Variants in RASGEF1B observed in about 807,000 individuals in gnomAD.
RASGEF1B encodes RasGEF domain family member 1B.
A neutral mutation model predicts 65.7 loss-of-function variants in RASGEF1B; 30 were observed. The observed-to-expected ratio is 0.46, with a 90% CI of 0.34 to 0.62. RASGEF1B has a LOEUF of 0.62. RASGEF1B is among the 20% of genes least tolerant of loss of function. The pLI is 0.01. For synonymous variants in RASGEF1B, 175 were observed against 194.8 expected, an observed-to-expected ratio of 0.90 and a Z score of 0.85; for missense variants, 495 against 580.1, an observed-to-expected ratio of 0.85 and a Z score of 1.51.
At chr4:81,431,736 G>A (rs1721434147) in intron 13 of RASGEF1B, among the ~76,000 whole-genome samples, 1 of 152,132 alleles carries the variant, frequency 6.6e-6, no homozygotes, top group African/African-American at 2.4e-5. Flanking sequence ...GCCTATTAAA[G>A]TATCTCAAAT....
intron 1 of RASGEF1B, among the ~76,000 whole-genome samples, chr4:81,469,424 C>T (rs919481973): frequency 3.3e-5 from 5 of 152,162 alleles, no homozygotes; most frequent in Non-Finnish European, 7.4e-5. Context: ...CCCAACACTC[C>T]TGAGTCATAC....
chr4:81,429,811 G>T (rs545627084), intron 13 of RASGEF1B, among the ~76,000 whole-genome samples: 1 of 152,150 alleles, frequency 6.6e-6, no homozygotes, highest in Non-Finnish European at 1.5e-5. Context: ...TCTGAGGAGC[G>T]GCTGGTCGTC....
At chr4:81,446,899 C>T (rs1449398932) in intron 6 of RASGEF1B, among the ~76,000 whole-genome samples, 1 of 152,218 alleles carries the variant, frequency 6.6e-6, no homozygotes, top group Non-Finnish European at 1.5e-5. Flanking sequence ...GGGCTTTCAG[C>T]AGTGTGTGTT....
chr4:81,467,866 A>T (rs1220653731), intron 1 of RASGEF1B, among the ~76,000 whole-genome samples: 5 of 152,196 alleles, frequency 3.3e-5, no homozygotes, highest in Admixed American at 3.3e-4. Context: ...GGATAATCAA[A>T]ATCATCATTA....
At chr4:81,432,401 C>T (rs1020372139) in intron 12 of RASGEF1B, 30 bp from the exon 13 acceptor site, 3 of 1,421,844 alleles carry the variant, frequency 2.1e-6, no homozygotes, top group African/African-American at 2.8e-5. Flanking sequence ...AGTGCATTAA[C>T]ATTAAAGCCT....
Position 81,447,568 on chromosome 4 carries a change from T to C in RASGEF1B, c.665A>G (p.Asn222Ser). The C allele has an allele frequency of 6.2e-7, 1 of 1,613,890 alleles. No homozygotes were observed. Among genetic ancestry groups the C allele is most frequent in the Non-Finnish European group, 8.5e-7 (1 of 1,179,864 alleles). Reference sequence around the variant, plus strand: ...AACAAATTCTTCTGGCCCAATATAATTGAGCCTCTCCTGAAACACAAACCC... The same window carrying C: ...AACAAATTCTTCTGGCCCAATATAACTGAGCCTCTCCTGAAACACAAACCC... ...QLTHIELERLNYIGPEEFVQA... is the reference protein window; with the variant it reads ...QLTHIELERLSYIGPEEFVQA... Residue 222 changes from asparagine (N) to serine (S), a missense_variant, in exon 6 of 14, where the codon AAT becomes AGT. Physicochemically the swap from Asn to Ser is conservative, Grantham distance 46. Transcript: ENST00000264400.
intron 13 of RASGEF1B, among the ~76,000 whole-genome samples, chr4:81,431,669 T>A (rs1721431504): frequency 6.6e-6 from 1 of 152,220 alleles, no homozygotes; most frequent in Non-Finnish European, 1.5e-5. Context: ...ATTCTGAGTT[T>A]CTCAGTAGGA....
At chr4:81,433,537 T>C (rs1721507522) in intron 12 of RASGEF1B, among the ~76,000 whole-genome samples, 1 of 152,096 alleles carries the variant, frequency 6.6e-6, no homozygotes, top group Non-Finnish European at 1.5e-5. Flanking sequence ...ACACCTTTTG[T>C]CTATTCAAGT....
intron 1 of RASGEF1B, among the ~76,000 whole-genome samples, chr4:81,467,592 C>T (rs1722884687): frequency 1.3e-5 from 2 of 152,182 alleles, no homozygotes; most frequent in Non-Finnish European, 2.9e-5. Context: ...GCTCCTCGTT[C>T]CTTGTCTTTC....
At chr4:81,447,817 G>T (rs546984667) in intron 5 of RASGEF1B, among the ~76,000 whole-genome samples, 5 of 152,096 alleles carry the variant, frequency 3.3e-5, no homozygotes, top group Admixed American at 3.3e-4. Flanking sequence ...GATTAGAGGC[G>T]GAAGGTGAGG....
chr4:81,436,956 A>C (rs1721650299), intron 10 of RASGEF1B, among the ~76,000 whole-genome samples: 1 of 152,242 alleles, frequency 6.6e-6, no homozygotes, highest in Admixed American at 6.5e-5. Flanking sequence ...TCTAAAGCCA[A>C]ATTAGTAAAG....
At chr4:81,465,144 A>G (rs1001811021) in intron 1 of RASGEF1B, among the ~76,000 whole-genome samples, 11 of 151,880 alleles carry the variant, frequency 7.2e-5, no homozygotes, top group Non-Finnish European at 1.6e-4. Flanking sequence ...GGTAGTACCT[A>G]TCAAACTGAG....
intron 1 of RASGEF1B, among the ~76,000 whole-genome samples, chr4:81,464,597 C>A (rs941564333): frequency 2.0e-5 from 3 of 152,132 alleles, no homozygotes; most frequent in African/African-American, 7.2e-5. Context: ...AAACCTCTCC[C>A]CATCACCACC....
chr4:81,448,427 T>C (rs931960079), intron 4 of RASGEF1B, 143 bp from the exon 5 acceptor site: 6 of 693,750 alleles, frequency 8.6e-6, no homozygotes, highest in Non-Finnish European at 1.3e-5. Flanking sequence ...AAGATTCAGC[T>C]AGCTCTAACA....
chr4:81,445,640 A>C lies in RASGEF1B; in HGVS notation c.826-12T>G, dbSNP rs751912888. On this transcript the variant is annotated splice_polypyrimidine_tract_variant and intron_variant, in intron 7 of 13. Coordinates refer to ENST00000264400, the MANE Select transcript of RASGEF1B (RefSeq NM_152545.3). ...TTTTTCTTAACAGGCTACACAGTAA[A>C]AGACAATAGAGGGCAGTTATCCAGT... The C allele has an allele frequency of 2.5e-6, 4 of 1,605,712 alleles. No homozygotes were observed. The African/African-American group carries it at 5.3e-5, about 21-fold the overall frequency.
chr4:81,444,883 C>T (rs575323753), intron 8 of RASGEF1B, among the ~76,000 whole-genome samples: 27 of 152,150 alleles, frequency 1.8e-4, no homozygotes, highest in Middle Eastern at 3.4e-3. Context: ...TATAAGATGG[C>T]CATATAATTG....
At chr4:81,459,214 T>G in intron 2 of RASGEF1B, 118 bp downstream of exon 2, 1 of 780,388 alleles carries the variant, frequency 1.3e-6, no homozygotes, top group Non-Finnish European at 2.0e-6. Flanking sequence ...TGCAATTTCT[T>G]GTTAGAAAAA....
chr4:81,438,602 G>A (rs576844339), intron 10 of RASGEF1B, among the ~76,000 whole-genome samples: 4 of 152,262 alleles, frequency 2.6e-5, no homozygotes, highest in African/African-American at 4.8e-5. Flanking sequence ...TGTGCACAAC[G>A]TGCAGGTTTC....
chr4:81,443,285 C>T (rs2109976417), intron 8 of RASGEF1B, among the ~76,000 whole-genome samples: 1 of 152,314 alleles, frequency 6.6e-6, no homozygotes, highest in South Asian at 2.1e-4. Flanking sequence ...TGCTTCCTAA[C>T]TGAGGTACAA....
Sources: gnomAD v4.1 joint callset for allele counts (sites outside exome capture counted in the v4.1 genomes callset) on GRCh38, gnomAD v4.1.1 for gene constraint, MANE v1.5 for transcripts, NCBI Gene and HGNC (gene_info 2026-07-23, HGNC 2026-07-21) for gene names.